CFAP299: variants seen among roughly 807,000 people sequenced by gnomAD.
CFAP299 encodes the protein cilia- and flagella-associated protein 299.
Under a neutral mutation model 27.0 loss-of-function variants are expected in CFAP299, and 21 were observed. The ratio of observed to expected loss-of-function variants is 0.78; its 90% CI spans 0.55 to 1.12. The LOEUF is 1.12. CFAP299 is among the 50% of genes most tolerant of loss of function. The pLI, the probability that CFAP299 is intolerant of heterozygous loss-of-function variation, is 0.00. For synonymous variants in CFAP299, 104 were observed against 98.1 expected (o/e 1.06, Z -0.36); for missense variants, 310 against 276.6 (o/e 1.12, Z -0.86).
intron 2 of CFAP299, among the ~76,000 whole-genome samples, chr4:80,445,858 G>A (rs530080911): frequency 6.6e-6 from 1 of 152,236 alleles, no homozygotes; most frequent in East Asian, 1.9e-4. Context: ...GATTTTCTTT[G>A]ACATAGTTAA....
At position 80,764,325 on chromosome 4, in the gene CFAP299, C is replaced by T. The variant is rs542600819; in HGVS notation, c.334-105668C>T. Among the ~76,000 whole-genome samples, 20 of 152,140 alleles carry T rather than the reference C, an allele frequency of 1.3e-4. No individual in the cohort carries two copies. The South Asian group carries it at 1.5e-3, about 11-fold the overall frequency. On this transcript the variant is annotated intron_variant, in intron 3 of 5. Coordinates refer to ENST00000358105, the MANE Select transcript of CFAP299 (RefSeq NM_152770.3). Reference sequence around the variant, plus strand: ...CACTTCTCAAAAGAAGACATTTATGCGGCCAACAAACATGAAAAAAAGCTC... The same window carrying T: ...CACTTCTCAAAAGAAGACATTTATGTGGCCAACAAACATGAAAAAAAGCTC...
chr4:80,399,518 A>G (rs1428758745), intron 2 of CFAP299, among the ~76,000 whole-genome samples: 1 of 152,182 alleles, frequency 6.6e-6, no homozygotes, highest in Non-Finnish European at 1.5e-5. Context: ...GCCATAAAAA[A>G]TGATGAGTTC....
At chr4:80,744,956 C>A (rs1330068406) in intron 3 of CFAP299, among the ~76,000 whole-genome samples, 1 of 152,076 alleles carries the variant, frequency 6.6e-6, no homozygotes, top group Non-Finnish European at 1.5e-5. Flanking sequence ...TGTGATCCAT[C>A]CAGATACTAT....
chr4:80,620,704 C>T (rs1369445108), intron 3 of CFAP299, among the ~76,000 whole-genome samples: 3 of 152,170 alleles, frequency 2.0e-5, no homozygotes, highest in South Asian at 2.1e-4. Context: ...GACTATCTCT[C>T]CTGCCTCTTT....
intron 3 of CFAP299, among the ~76,000 whole-genome samples, chr4:80,673,303 C>T (rs1007118271): frequency 1.3e-5 from 2 of 152,088 alleles, no homozygotes; most frequent in Non-Finnish European, 2.9e-5. Context: ...GTTCAGTTTC[C>T]ATGTAGTTGA....
intron 2 of CFAP299, among the ~76,000 whole-genome samples, chr4:80,402,826 T>G (rs1726230179): frequency 6.6e-6 from 1 of 152,188 alleles, no homozygotes; most frequent in Non-Finnish European, 1.5e-5. Flanking sequence ...CCATGTATTC[T>G]CAATCATAGA....
chr4:80,633,948 A>T (rs1037907228), intron 3 of CFAP299, among the ~76,000 whole-genome samples: 9 of 151,326 alleles, frequency 5.9e-5, no homozygotes, highest in African/African-American at 2.2e-4. Context: ...GCAATAAAAA[A>T]CTGAAAGTAA....
intron 1 of CFAP299, among the ~76,000 whole-genome samples, chr4:80,353,361 C>T (rs1462603214): frequency 2.6e-5 from 4 of 152,166 alleles, no homozygotes. Context: ...CTTTCTTCAC[C>T]CCTGTGGGAG....
chr4:80,884,278 G>A (rs1733863008), intron 4 of CFAP299, among the ~76,000 whole-genome samples: 1 of 152,160 alleles, frequency 6.6e-6, no homozygotes, highest in Admixed American at 6.5e-5. Context: ...GGCCACAGAA[G>A]TGTCTCAATA....
chr4:80,485,523 G>T (rs924996089), intron 2 of CFAP299, among the ~76,000 whole-genome samples: 4 of 151,954 alleles, frequency 2.6e-5, no homozygotes, highest in Non-Finnish European at 5.9e-5. Flanking sequence ...ATAATTGGGA[G>T]AAATTTGAAT....
intron 3 of CFAP299, among the ~76,000 whole-genome samples, chr4:80,798,052 C>A (rs919502570): frequency 6.6e-6 from 1 of 152,068 alleles, no homozygotes; most frequent in African/African-American, 2.4e-5. Context: ...TATCCCAAAC[C>A]CTTAATATCC....
At chr4:80,856,124 T>C (rs972970620) in intron 3 of CFAP299, among the ~76,000 whole-genome samples, 9 of 151,734 alleles carry the variant, frequency 5.9e-5, no homozygotes, top group Non-Finnish European at 1.0e-4. Context: ...TGATATCTCA[T>C]TGTGGTTTTG....
intron 3 of CFAP299, among the ~76,000 whole-genome samples, chr4:80,603,750 T>C (rs1158334359): frequency 6.6e-6 from 1 of 152,192 alleles, no homozygotes; most frequent in Non-Finnish European, 1.5e-5. Context: ...TATGATAGAA[T>C]ACTGTACAAA....
At chr4:80,898,963 T>C (rs1231085074) in intron 4 of CFAP299, among the ~76,000 whole-genome samples, 3 of 152,144 alleles carry the variant, frequency 2.0e-5, no homozygotes, top group Non-Finnish European at 2.9e-5. Context: ...TAACTTCCAA[T>C]GCAAAGAATA....
chr4:80,645,978 T>A (rs1739989893), intron 3 of CFAP299, among the ~76,000 whole-genome samples: 1 of 152,184 alleles, frequency 6.6e-6, no homozygotes, highest in Admixed American at 6.6e-5. Context: ...GTTTGAAAAA[T>A]TTGACATTTA....
At chr4:80,412,267 A>G (rs1280425813) in intron 2 of CFAP299, among the ~76,000 whole-genome samples, 1 of 71,346 alleles carries the variant, frequency 1.4e-5, no homozygotes, top group Non-Finnish European at 3.1e-5. Context: ...GAATCCACAT[A>G]TAGTCCTTTT....
At chr4:80,472,449 C>G (rs142796812) in intron 2 of CFAP299, among the ~76,000 whole-genome samples, 1 of 152,152 alleles carries the variant, frequency 6.6e-6, no homozygotes, top group East Asian at 1.9e-4. Context: ...CAGAACCCAA[C>G]GGATGAAAGA....
intron 2 of CFAP299, among the ~76,000 whole-genome samples, chr4:80,537,348 A>G (rs1481224365): frequency 6.6e-6 from 1 of 152,130 alleles, no homozygotes; most frequent in Non-Finnish European, 1.5e-5. Flanking sequence ...AATATGTCCA[A>G]AGGAAATGAT....
At chr4:80,861,908 A>G (rs536901338) in intron 3 of CFAP299, among the ~76,000 whole-genome samples, 2 of 152,230 alleles carry the variant, frequency 1.3e-5, no homozygotes, top group East Asian at 3.9e-4. Flanking sequence ...GGATTTTCTA[A>G]GTAAATTACC....
Sources: allele counts gnomAD v4.1 joint callset (sites outside exome capture counted in the v4.1 genomes callset), GRCh38; gene constraint gnomAD v4.1.1; transcripts MANE v1.5; gene names NCBI Gene and HGNC (gene_info 2026-07-23, HGNC 2026-07-21).